Variants in TBCK observed in about 807,000 individuals in gnomAD.
TBCK encodes TBC1 domain containing kinase.
TBCK carries 99 observed loss-of-function variants against 113.4 expected under a neutral mutation model. The observed-to-expected ratio is 0.87, with a 90% CI of 0.74 to 1.03. The LOEUF is 1.03. Among genes scored for constraint, TBCK ranks in the 50% least tolerant of loss-of-function variants. The pLI is 0.00. For synonymous variants in TBCK, 369 were observed against 370.8 expected (o/e 1.00, Z 0.05); for missense variants, 1,045 against 1,061.3 (o/e 0.98, Z 0.21).
chr4:106,067,549 A>G (rs1387979088), intron 25 of TBCK, among the ~76,000 whole-genome samples: 1 of 152,100 alleles, frequency 6.6e-6, no homozygotes, highest in Non-Finnish European at 1.5e-5. Context: ...TCTTGGTGTC[A>G]TATGTAAGAA....
chr4:106,273,312 C>T (rs1301098778), intron 3 of TBCK, among the ~76,000 whole-genome samples: 1 of 152,142 alleles, frequency 6.6e-6, no homozygotes, highest in African/African-American at 2.4e-5. Flanking sequence ...ACAGCAATGA[C>T]TTTGAAACAA....
intron 25 of TBCK, among the ~76,000 whole-genome samples, chr4:106,081,124 G>A (rs183353953): frequency 3.1e-4 from 47 of 152,304 alleles, no homozygotes; most frequent in East Asian, 2.7e-3. Context: ...TCAGTATGGC[G>A]ATTCCTCAAA....
intron 3 of TBCK, among the ~76,000 whole-genome samples, chr4:106,267,403 CAAG>C (rs755163696): frequency 4.6e-5 from 7 of 151,820 alleles, no homozygotes; most frequent in Admixed American, 2.0e-4. Context: ...CCACAATTAC[CAAG>C]AAGAAGAATT....
At chr4:106,109,972 G>A (rs775202315) in intron 24 of TBCK, among the ~76,000 whole-genome samples, 63 of 152,008 alleles carry the variant, frequency 4.1e-4, no homozygotes, top group Admixed American at 1.3e-4. Flanking sequence ...GAGCCCGAGA[G>A]CGAAGGTTAC....
upstream of TBCK, chr4:106,316,366 C>A (rs1251387781): frequency 8.2e-6 from 5 of 606,944 alleles, no homozygotes; most frequent in Non-Finnish European, 8.8e-6. Flanking sequence ...CGGGGGGGGT[C>A]GATTGAAAAT....
rs571922684 is a variant in TBCK, at chr4:106,096,048, TGAGA to T, written c.2412-411_2412-408del. Among the ~76,000 whole-genome samples, 16 of 152,130 alleles carry T rather than the reference TGAGA, an allele frequency of 1.1e-4. No homozygotes were observed. In the South Asian group the frequency reaches 3.3e-3, roughly 32 times the overall value. On this transcript the variant is annotated intron_variant, in intron 24 of 25. Coordinates refer to ENST00000394708, the MANE Select transcript of TBCK (RefSeq NM_001163435.3). ...AAAGAAAAGGGTATGACATTAATAA[TGAGA>T]GAAAGAACTGTAAATAAGTTCTGAA...
intron 5 of TBCK, chr4:106,255,120 C>A: frequency 1.4e-5 from 3 of 218,262 alleles, no homozygotes; most frequent in Non-Finnish European, 2.9e-5. Flanking sequence ...AATACTAACC[C>A]TAACAATCTA....
At chr4:106,048,846 T>G (rs1466116665) in intron 25 of TBCK, among the ~76,000 whole-genome samples, 2 of 152,132 alleles carry the variant, frequency 1.3e-5, no homozygotes, top group African/African-American at 4.8e-5. Context: ...ACCAGGCTGC[T>G]ACTGAGCTGG....
At chr4:106,205,404 A>G (rs1034817035) in intron 20 of TBCK, among the ~76,000 whole-genome samples, 3 of 151,948 alleles carry the variant, frequency 2.0e-5, no homozygotes, top group Non-Finnish European at 2.9e-5. Flanking sequence ...ACAGAGTATG[A>G]GAAGTTCACT....
chr4:106,247,352 T>A, intron 9 of TBCK, 65 bp from the exon 10 acceptor site: 1 of 1,479,232 alleles, frequency 6.8e-7, no homozygotes, highest in Non-Finnish European at 9.4e-7. Flanking sequence ...AATAATGGCA[T>A]ACATTCAAGA....
chr4:106,254,884 A>C (rs1029489160), intron 5 of TBCK: 2 of 151,986 alleles, frequency 1.3e-5, no homozygotes, highest in African/African-American at 4.8e-5. Context: ...AAATATTTTT[A>C]TATAAAATAT....
At chr4:106,106,690 T>A (rs1742203058) in intron 24 of TBCK, among the ~76,000 whole-genome samples, 1 of 152,008 alleles carries the variant, frequency 6.6e-6, no homozygotes, top group African/African-American at 2.4e-5. Context: ...AAAAGCACAC[T>A]TAAACACACA....
intron 23 of TBCK, among the ~76,000 whole-genome samples, chr4:106,126,595 C>T (rs371501814): frequency 3.3e-5 from 5 of 151,888 alleles, no homozygotes; most frequent in Admixed American, 3.3e-4. Context: ...ATTTGTATCT[C>T]GAAAAGCTAG....
intron 22 of TBCK, among the ~76,000 whole-genome samples, chr4:106,190,260 A>G (rs923785013): frequency 2.0e-5 from 3 of 152,206 alleles, no homozygotes; most frequent in Admixed American, 6.5e-5. Context: ...GAAAACCCAA[A>G]TTGTTTCCCA....
rs904577137 is a variant in TBCK at position 106,043,733 on chromosome 4, G to A, written c.*2837C>T. 5 of 138,496 alleles carry A rather than the reference G, an allele frequency of 3.6e-5. No individual in the cohort carries two copies. The highest frequency in any genetic ancestry group is 7.3e-5 in the Admixed American group (1 of 13,720). 8.6% of individuals were successfully genotyped at this position (138,496 alleles called of 1,614,324 possible). Reference sequence around the variant, plus strand: ...AGAGTTAATAAGTGTGTTTATGAATGTGAGTGTGTGTGTGTGTGTGTGTGT... The same window carrying A: ...AGAGTTAATAAGTGTGTTTATGAATATGAGTGTGTGTGTGTGTGTGTGTGT... On this transcript the variant is annotated 3_prime_UTR_variant, in exon 26 of 26. Transcript: ENST00000394708.
chr4:106,224,690 C>T (rs12512903), intron 19 of TBCK, among the ~76,000 whole-genome samples: 20,602 of 152,088 alleles, frequency 0.14, 1,647 homozygotes, highest in South Asian at 0.24. Flanking sequence ...TGTTTCAGCT[C>T]CTTCTTTAGC....
intron 20 of TBCK, among the ~76,000 whole-genome samples, chr4:106,199,454 T>C (rs1754632109): frequency 6.6e-6 from 1 of 152,138 alleles, no homozygotes; most frequent in South Asian, 2.1e-4. Context: ...TTTTCTTTTC[T>C]TTTCTATTTT....
intron 20 of TBCK, among the ~76,000 whole-genome samples, chr4:106,199,840 T>C (rs769573196): frequency 6.6e-6 from 1 of 152,214 alleles, no homozygotes; most frequent in Non-Finnish European, 1.5e-5. Context: ...GCCTAGACTA[T>C]TGCAATAGTC....
intron 23 of TBCK, among the ~76,000 whole-genome samples, chr4:106,160,985 G>A (rs147687269): frequency 1.0e-3 from 154 of 152,110 alleles, no homozygotes; most frequent in Non-Finnish European, 2.0e-3. Flanking sequence ...ACTCTATGAG[G>A]TACTTAGAGT....
Sources: gnomAD v4.1 joint callset for allele counts (sites outside exome capture counted in the v4.1 genomes callset) on GRCh38, gnomAD v4.1.1 for gene constraint, MANE v1.5 for transcripts, NCBI Gene and HGNC (gene_info 2026-07-23, HGNC 2026-07-21) for gene names.